BTBD9: variants seen among roughly 807,000 people sequenced by gnomAD.
The protein encoded by BTBD9 is BTB domain containing 9, also known as BTB/POZ domain-containing protein 9.
BTBD9 carries 49 observed loss-of-function variants against 64.3 expected under a neutral mutation model. The observed-to-expected ratio is 0.76, with a 90% CI of 0.61 to 0.97. BTBD9 has a LOEUF of 0.97. Ranked by LOEUF, BTBD9 falls within the 50% of genes least tolerant of loss-of-function variation. The probability of loss-of-function intolerance (pLI) is 0.00; values close to 1 mark genes in which losing one functional copy is unlikely to be tolerated. For synonymous variants in BTBD9, 260 were observed against 274.7 expected, an observed-to-expected ratio of 0.95 and a Z score of 0.53; for missense variants, 598 against 762.1, an observed-to-expected ratio of 0.78 and a Z score of 2.53.
intron 7 of BTBD9, among the ~76,000 whole-genome samples, chr6:38,318,887 G>C (rs1278507493): frequency 6.6e-5 from 10 of 152,232 alleles, no homozygotes; most frequent in Admixed American, 3.3e-4. Flanking sequence ...TGCAGGTCCA[G>C]AGATGCTGTG....
chr6:38,350,914 C>T (rs374249060), intron 6 of BTBD9, among the ~76,000 whole-genome samples: 1 of 152,214 alleles, frequency 6.6e-6, no homozygotes, highest in African/African-American at 2.4e-5. Flanking sequence ...ACAAATAATT[C>T]TCTAACCCAA....
chr6:38,458,780 C>T (rs1769936567), intron 6 of BTBD9, among the ~76,000 whole-genome samples: 1 of 152,084 alleles, frequency 6.6e-6, no homozygotes, highest in Admixed American at 6.6e-5. Context: ...GGCAAAGTAC[C>T]ACTTATATGA....
intron 4 of BTBD9, among the ~76,000 whole-genome samples, chr6:38,584,717 C>T (rs1776435780): frequency 6.6e-6 from 1 of 152,150 alleles, no homozygotes; most frequent in Admixed American, 6.5e-5. Context: ...ATCCCAACTT[C>T]CCTAGAAAAT....
chr6:38,450,211 T>A (rs1361977894), intron 6 of BTBD9, among the ~76,000 whole-genome samples: 1 of 152,130 alleles, frequency 6.6e-6, no homozygotes, highest in Non-Finnish European at 1.5e-5. Flanking sequence ...TCTAAAAAAG[T>A]TGATCATATA....
intron 6 of BTBD9, among the ~76,000 whole-genome samples, chr6:38,526,889 G>A (rs1252688847): frequency 6.6e-6 from 1 of 152,194 alleles, no homozygotes; most frequent in Non-Finnish European, 1.5e-5. Context: ...TGTCTCAGAT[G>A]AGACTTTGGA....
At chr6:38,630,229 G>C (rs966265253) in intron 1 of BTBD9, among the ~76,000 whole-genome samples, 1 of 149,272 alleles carries the variant, frequency 6.7e-6, no homozygotes, top group African/African-American at 2.5e-5. Flanking sequence ...GAGACCAAAA[G>C]AAAAAAAGAA....
At chr6:38,500,745 T>C (rs9462436) in intron 6 of BTBD9, among the ~76,000 whole-genome samples, 5,377 of 152,270 alleles carry the variant, frequency 0.035, 317 homozygotes, top group African/African-American at 0.12. Flanking sequence ...GCCATCTTAA[T>C]TGAAGGCATC....
chr6:38,398,850 G>A (rs967345273), intron 6 of BTBD9, among the ~76,000 whole-genome samples: 4 of 152,130 alleles, frequency 2.6e-5, no homozygotes, highest in African/African-American at 9.7e-5. Flanking sequence ...CAGAAGAAGT[G>A]ACTTGTGGAG....
chr6:38,317,574 T>G (rs965717913), intron 7 of BTBD9, among the ~76,000 whole-genome samples: 3 of 152,204 alleles, frequency 2.0e-5, no homozygotes, highest in African/African-American at 4.8e-5. Context: ...ATTATCTCTT[T>G]GAACTGACTT....
At chr6:38,194,751 C>T (rs113729449) in intron 9 of BTBD9, among the ~76,000 whole-genome samples, 71 of 152,260 alleles carry the variant, frequency 4.7e-4, no homozygotes, top group African/African-American at 1.4e-3. Context: ...GGGTCTCCCT[C>T]CCCTATCTCC....
Position 38,206,845 on chromosome 6 carries a change from C to CA in BTBD9, c.1563-14249dup, listed in dbSNP as rs150537273. Among the ~76,000 whole-genome samples the CA allele has an allele frequency of 5.2e-3, 755 of 144,146 alleles. 8 individuals are homozygous for CA. The highest frequency in any genetic ancestry group is 0.017 in the African/African-American group (659 of 39,344). The allele number at this position is 144,146 out of a possible 152,430, so 94.6% of individuals were successfully genotyped here. On this transcript the variant is annotated intron_variant, in intron 9 of 10. Coordinates refer to ENST00000481247, the MANE Select transcript of BTBD9 (RefSeq NM_001099272.2). ...TAGTTTAGAATATGAAGATACAGAC[C>CA]AAAAAAAAAAGAAGTCTAAAAGAGA...
intron 6 of BTBD9, among the ~76,000 whole-genome samples, chr6:38,574,803 C>T (rs943377051): frequency 6.6e-6 from 1 of 152,146 alleles, no homozygotes; most frequent in African/African-American, 2.4e-5. Flanking sequence ...CCTAACTCCA[C>T]AGCCCATTGT....
rs911717191 is a variant in BTBD9, at chr6:38,184,199, G to A, written c.1641+8320C>T. Among the ~76,000 whole-genome samples the A allele has an allele frequency of 2.6e-5, 4 of 152,120 alleles. No individual in the cohort carries two copies. Among genetic ancestry groups the A allele is most frequent in the South Asian group, 2.1e-4 (1 of 4,826 alleles). On this transcript the variant is annotated intron_variant, in intron 10 of 10. Coordinates refer to ENST00000481247, the MANE Select transcript of BTBD9 (RefSeq NM_001099272.2). The surrounding 1 kb of genome is among the most constrained non-coding windows in gnomAD (Gnocchi z 4.4). The stretch of plus-strand genomic sequence containing the variant: ...TTGGGTTCAGGATGAACAAGGCTGC[G>A]GTGACAGCATCCTCACTCTTGCCTC...
chr6:38,564,824 A>G (rs1431915708), intron 6 of BTBD9, among the ~76,000 whole-genome samples: 5 of 152,130 alleles, frequency 3.3e-5, no homozygotes, highest in Non-Finnish European at 5.9e-5. Flanking sequence ...CCCGGGAGGC[A>G]GAGCTTGCAG....
chr6:38,262,572 A>G (rs1261197238), intron 8 of BTBD9, among the ~76,000 whole-genome samples: 1 of 152,022 alleles, frequency 6.6e-6, no homozygotes, highest in Non-Finnish European at 1.5e-5. Flanking sequence ...TTCAGTTTAC[A>G]GCAACTAATT....
intron 6 of BTBD9, among the ~76,000 whole-genome samples, chr6:38,443,010 A>G (rs1050760689): frequency 2.0e-5 from 3 of 152,120 alleles, no homozygotes; most frequent in Non-Finnish European, 4.4e-5. Context: ...GATTTTTTAA[A>G]AAAAAATTGT....
At chr6:38,381,536 T>C (rs976221762) in intron 6 of BTBD9, among the ~76,000 whole-genome samples, 5 of 152,194 alleles carry the variant, frequency 3.3e-5, no homozygotes, top group East Asian at 1.9e-4. Flanking sequence ...CAGCAACTGA[T>C]AGATCAACCA....
intron 7 of BTBD9, among the ~76,000 whole-genome samples, chr6:38,302,485 G>GTATATATATATATATATATATATATA (rs59324806): frequency 1.9e-4 from 20 of 106,904 alleles, no homozygotes; most frequent in East Asian, 9.3e-4. Context: ...TTGTGTGTAT[G>GTATATATATATATATATATATATATA]TATATATATA....
At chr6:38,592,134 A>G (rs1776821588) in intron 4 of BTBD9, among the ~76,000 whole-genome samples, 1 of 151,292 alleles carries the variant, frequency 6.6e-6, no homozygotes, top group Non-Finnish European at 1.5e-5. Context: ...GTGAGCCGAG[A>G]TTGCAACTTC....
Sources: allele counts gnomAD v4.1 joint callset (sites outside exome capture counted in the v4.1 genomes callset), GRCh38; gene constraint gnomAD v4.1.1; non-coding constraint Gnocchi (gnomAD v3.1); transcripts MANE v1.5; gene names NCBI Gene and HGNC (gene_info 2026-07-23, HGNC 2026-07-21).